MYRFL: variants seen among roughly 807,000 people sequenced by gnomAD.
MYRFL encodes myelin regulatory factor like, also known as myelin regulatory factor-like protein.
In MYRFL, 88 loss-of-function variants were observed where a neutral mutation model predicts 109.4. The observed-to-expected ratio is 0.80, with a 90% CI of 0.68 to 0.96. The LOEUF (loss-of-function observed/expected upper bound fraction) is 0.96. Among genes scored for constraint, MYRFL ranks in the 40% least tolerant of loss-of-function variants. The pLI is 0.00. For synonymous variants in MYRFL, 324 were observed against 320.9 expected (o/e 1.01, Z -0.10); for missense variants, 957 against 954.9 (o/e 1.00, Z -0.03).
At chr12:69,862,989 C>T (rs1246200095) in intron 2 of MYRFL, among the ~76,000 whole-genome samples, 2 of 152,032 alleles carry the variant, frequency 1.3e-5, no homozygotes, top group Non-Finnish European at 2.9e-5. Flanking sequence ...AAGGCCTTTT[C>T]TGCATCTATT....
intron 1 of MYRFL, among the ~76,000 whole-genome samples, chr12:69,854,063 C>T (rs1010124243): frequency 2.0e-5 from 3 of 152,188 alleles, no homozygotes; most frequent in Non-Finnish European, 2.9e-5. Flanking sequence ...CAACATTGAG[C>T]ACTGAGTTAG....
chr12:69,923,040 A>G (rs1954960614), intron 13 of MYRFL, among the ~76,000 whole-genome samples: 1 of 152,210 alleles, frequency 6.6e-6, no homozygotes, highest in African/African-American at 2.4e-5. Flanking sequence ...TAAGCCCTTA[A>G]TGTCTCCCAA....
chr12:69,929,375 C>T (rs1214255454), intron 15 of MYRFL, among the ~76,000 whole-genome samples: 4 of 152,132 alleles, frequency 2.6e-5, no homozygotes, highest in Non-Finnish European at 5.9e-5. Flanking sequence ...ATACAAAGAA[C>T]AGTTGTACCT....
intron 18 of MYRFL, 46 bp downstream of exon 18, chr12:69,936,381 C>T (rs1449062909): frequency 6.5e-7 from 1 of 1,533,108 alleles, no homozygotes; most frequent in African/African-American, 1.4e-5. Flanking sequence ...TTCAAGTGAA[C>T]TGTTAACAGA....
At chr12:69,867,403 A>G (rs1205255007) in intron 2 of MYRFL, among the ~76,000 whole-genome samples, 4 of 152,176 alleles carry the variant, frequency 2.6e-5, no homozygotes, top group African/African-American at 9.6e-5. Flanking sequence ...AAGGCAGGCT[A>G]AATTAATGCA....
chr12:69,896,195 T>C (rs755393922), intron 9 of MYRFL, among the ~76,000 whole-genome samples: 1 of 152,182 alleles, frequency 6.6e-6, no homozygotes, highest in Non-Finnish European at 1.5e-5. Flanking sequence ...CATTTTCCTG[T>C]CCTACAAAAT....
rs1956153053 is a variant in MYRFL, at chr12:69,958,854, G to A, written c.*323G>A. 1 of 231,132 alleles carries A rather than the reference G, an allele frequency of 4.3e-6. No individual in the cohort carries two copies. The allele number at this position is 231,132 out of a possible 1,614,324, so 14.3% of individuals were successfully genotyped here. A position where few individuals can be genotyped will look rare whatever the true frequency, so the allele number is the denominator to read the frequency against. On this transcript the variant is annotated 3_prime_UTR_variant, in exon 25 of 25. Transcript: ENST00000552032. Reference sequence around the variant, plus strand: ...TGTGAGCTCAAAATAAGGAGATCTAGCCTCTATTTTGTTTTAATGTATTTT... The same window carrying A: ...TGTGAGCTCAAAATAAGGAGATCTAACCTCTATTTTGTTTTAATGTATTTT...
At chr12:69,902,102 CA>C (rs1197395296) in intron 10 of MYRFL, among the ~76,000 whole-genome samples, 6 of 152,012 alleles carry the variant, frequency 3.9e-5, no homozygotes, top group African/African-American at 1.4e-4. Context: ...CCATGTTGGC[CA>C]GGCTGGTCTT....
At chr12:69,926,891 A>G (rs919437336) in intron 14 of MYRFL, among the ~76,000 whole-genome samples, 157 bp downstream of exon 14, 1 of 140,422 alleles carries the variant, frequency 7.1e-6, no homozygotes, top group African/African-American at 2.6e-5. Context: ...TTGGAGCACA[A>G]TTGTCTGATG....
Position 69,855,174 on chromosome 12 carries a change from C to A in MYRFL, c.47-106C>A, listed in dbSNP as rs550490438. ...TCCATGCTGTTGATCCTTGTGGATA[C>A]AATAAGAAAGACACAGTCCCTGACC... On this transcript the variant is annotated intron_variant, in intron 1 of 24. Coordinates refer to ENST00000552032, the MANE Select transcript of MYRFL (RefSeq NM_182530.3). 3.5e-4 allele frequency: 197 copies of A among 561,392 alleles called. 2 individuals are homozygous for A. The highest frequency in any genetic ancestry group is 3.4e-3 in the Middle Eastern group (12 of 3,482). 34.8% of individuals were successfully genotyped at this position (561,392 alleles called of 1,614,324 possible).
chr12:69,873,126 T>C (rs1186760697), intron 2 of MYRFL, among the ~76,000 whole-genome samples: 1 of 152,216 alleles, frequency 6.6e-6, no homozygotes. Flanking sequence ...GAATAGAAGA[T>C]TAATTCTTAC....
chr12:69,943,110 G>A (rs1324309877), intron 19 of MYRFL, among the ~76,000 whole-genome samples: 3,179 of 148,544 alleles, frequency 0.021, 138 homozygotes, highest in African/African-American at 0.078. Context: ...ATACTGCCCA[G>A]GGTAATTTAC....
At chr12:69,831,765 G>A (rs926704100) in intron 1 of MYRFL, among the ~76,000 whole-genome samples, 2 of 152,152 alleles carry the variant, frequency 1.3e-5, no homozygotes, top group East Asian at 1.9e-4. Flanking sequence ...GCTGACAGAG[G>A]TTAGGTAACT....
At chr12:69,926,786 T>A in intron 14 of MYRFL, 52 bp downstream of exon 14, 2 of 1,325,626 alleles carry the variant, frequency 1.5e-6, no homozygotes, top group Non-Finnish European at 1.9e-6. Context: ...GAGAGTGAGC[T>A]CTTTCCAGAA....
At chr12:69,862,845 C>T (rs1178309381) in intron 2 of MYRFL, among the ~76,000 whole-genome samples, 11 of 152,234 alleles carry the variant, frequency 7.2e-5, no homozygotes, top group Non-Finnish European at 1.3e-4. Flanking sequence ...AAAGGGAATG[C>T]TTCCAGTTTT....
intron 8 of MYRFL, among the ~76,000 whole-genome samples, chr12:69,894,760 G>A (rs1297923665): frequency 6.6e-6 from 1 of 152,368 alleles, no homozygotes; most frequent in African/African-American, 2.4e-5. Context: ...GGGATGCAGT[G>A]GAGACATCTC....
chr12:69,895,107 C>T (rs1190778000), intron 8 of MYRFL, among the ~76,000 whole-genome samples: 1 of 152,214 alleles, frequency 6.6e-6, no homozygotes, highest in Non-Finnish European at 1.5e-5. Context: ...GCATATGGCC[C>T]TTGTGAGTTG....
chr12:69,839,301 C>CT (rs1218239791), intron 1 of MYRFL, among the ~76,000 whole-genome samples: 4 of 152,152 alleles, frequency 2.6e-5, no homozygotes, highest in Admixed American at 6.5e-5. Context: ...TTCCCCCTCT[C>CT]TTTTCCCTTG....
intron 20 of MYRFL, 124 bp downstream of exon 20, chr12:69,952,299 C>A: frequency 1.2e-6 from 1 of 810,356 alleles, no homozygotes; most frequent in Non-Finnish European, 2.0e-6. Context: ...CCACGCATAT[C>A]CATGGGACTG....
Sources: allele counts gnomAD v4.1 joint callset (sites outside exome capture counted in the v4.1 genomes callset), GRCh38; gene constraint gnomAD v4.1.1; transcripts MANE v1.5; gene names NCBI Gene and HGNC (gene_info 2026-07-23, HGNC 2026-07-21).